SMCHD1: variants seen among roughly 807,000 people sequenced by gnomAD.
SMCHD1 encodes the protein structural maintenance of chromosomes flexible hinge domain-containing protein 1.
Under a neutral mutation model 254.7 loss-of-function variants are expected in SMCHD1, and 78 were observed. That is an observed-to-expected ratio of 0.31 (90% CI 0.26 to 0.37). SMCHD1 has a LOEUF of 0.37. SMCHD1 is among the 10% of genes least tolerant of loss of function. The pLI, the probability that SMCHD1 is intolerant of heterozygous loss-of-function variation, is 1.00. For synonymous variants in SMCHD1, 766 were observed against 794.9 expected, an observed-to-expected ratio of 0.96 and a Z score of 0.61; for missense variants, 1,840 against 2,408.1, an observed-to-expected ratio of 0.76 and a Z score of 4.94.
rs758273154 is a variant in SMCHD1, at chr18:2,771,561, G to A, written c.4995G>A (p.Glu1665=). 5.8e-6 allele frequency: 9 copies of A among 1,564,442 alleles called. No individual in the cohort carries two copies. The highest frequency in any genetic ancestry group is 1.2e-5 in the South Asian group (1 of 81,008). The change falls in exon 40 of 48, where the codon GAG becomes GAA. Residue 1665 remains glutamate, a synonymous_variant. Coordinates refer to ENST00000320876, the MANE Select transcript of SMCHD1 (RefSeq NM_015295.3). The part of the protein sequence containing the change: ...KCQVEEARLK[E]AQLRNELKIH... ...AAGTTGAAGAAGCAAGATTAAAAGA[G>A]GCCCAATTGCGAAATGAACTAAAAA...
At chr18:2,795,825 G>T in intron 45 of SMCHD1, 124 bp from the exon 46 acceptor site, 1 of 654,648 alleles carries the variant, frequency 1.5e-6, no homozygotes, top group Non-Finnish European at 2.5e-6. Flanking sequence ...AATGTTTTAT[G>T]GCTTTAAAAG....
At chr18:2,712,997 A>C (rs2074715621) in intron 17 of SMCHD1, among the ~76,000 whole-genome samples, 1 of 152,126 alleles carries the variant, frequency 6.6e-6, no homozygotes, top group Non-Finnish European at 1.5e-5. Flanking sequence ...CCAACTCTAG[A>C]CCAAATTTTG....
chr18:2,794,897 T>A (rs1343453958), intron 45 of SMCHD1, among the ~76,000 whole-genome samples: 1 of 152,242 alleles, frequency 6.6e-6, no homozygotes, highest in East Asian at 1.9e-4. Context: ...TATGGTCCTT[T>A]TCTATATACT....
At chr18:2,695,510 G>A (rs1046814862) in intron 8 of SMCHD1, among the ~76,000 whole-genome samples, 4 of 151,888 alleles carry the variant, frequency 2.6e-5, no homozygotes, top group African/African-American at 4.8e-5. Context: ...GGTTTTTGCC[G>A]TGTTGGCCAG....
At chr18:2,784,978 T>A (rs371463240) in intron 45 of SMCHD1, 8 of 365,462 alleles carry the variant, frequency 2.2e-5, no homozygotes, top group African/African-American at 8.6e-5. Context: ...TTTCTGTCAT[T>A]ATTGAATAAG....
In SMCHD1 at chr18:2,728,653, A is replaced by G. The variant is rs1334697542; in HGVS notation, c.2913+57A>G. 10 of 1,547,952 alleles carry G rather than the reference A, an allele frequency of 6.5e-6. No homozygotes were observed. In the African/African-American group the frequency reaches 1.1e-4, roughly 17 times the overall value. On this transcript the variant is annotated intron_variant, in intron 23 of 47. Transcript: ENST00000320876. ...CCCATTGTAGTAAGTGGCAATGACT[A>G]TTTTAGCCACTTAATAGTAAGTCTT...
At chr18:2,694,054 G>C (rs955992085) in intron 7 of SMCHD1, among the ~76,000 whole-genome samples, 1 of 152,148 alleles carries the variant, frequency 6.6e-6, no homozygotes, top group African/African-American at 2.4e-5. Context: ...TGGTGTCCAG[G>C]ATGATTTTAC....
At chr18:2,742,828 C>T (rs2075377195) in intron 28 of SMCHD1, among the ~76,000 whole-genome samples, 1 of 151,910 alleles carries the variant, frequency 6.6e-6, no homozygotes, top group Non-Finnish European at 1.5e-5. Flanking sequence ...AGACGCATGC[C>T]ACTACACCTG....
intron 47 of SMCHD1, among the ~76,000 whole-genome samples, chr18:2,797,947 A>G (rs2076292155): frequency 6.6e-6 from 1 of 152,192 alleles, no homozygotes. Flanking sequence ...AGGGAATGAA[A>G]AAATGATGAA....
At chr18:2,786,697 A>C (rs1193164110) in intron 45 of SMCHD1, among the ~76,000 whole-genome samples, 1 of 152,184 alleles carries the variant, frequency 6.6e-6, no homozygotes, top group Non-Finnish European at 1.5e-5. Context: ...CATATAAAAA[A>C]AAGAAAAAGA....
At chr18:2,665,625 C>T (rs1372445980) in intron 1 of SMCHD1, among the ~76,000 whole-genome samples, 1 of 152,054 alleles carries the variant, frequency 6.6e-6, no homozygotes, top group Admixed American at 6.6e-5. Flanking sequence ...GGCCAGTTTC[C>T]CTCTAATTTA....
At chr18:2,680,727 C>T (rs2073905166) in intron 5 of SMCHD1, among the ~76,000 whole-genome samples, 1 of 152,164 alleles carries the variant, frequency 6.6e-6, no homozygotes, top group African/African-American at 2.4e-5. Context: ...CCTCGCATTT[C>T]CCAGCTTTTC....
In SMCHD1 at chr18:2,796,387, T is replaced by C. The variant is rs765852134; in HGVS notation, c.5879-20T>C. ...TGTTTTTATTGTAAATTTAACTTTC[T>C]ACATTTTCCATCTTCACAGGTATGA... On this transcript the variant is annotated intron_variant, in intron 46 of 47. Transcript: ENST00000320876. The C allele has an allele frequency of 1.9e-5, 27 of 1,429,228 alleles. No individual in the cohort carries two copies. In the African/African-American group the frequency reaches 2.0e-4, roughly 11 times the overall value. The allele number at this position is 1,429,228 out of a possible 1,614,324, so 88.5% of individuals were successfully genotyped here.
intron 30 of SMCHD1, among the ~76,000 whole-genome samples, chr18:2,748,687 G>A (rs116358085): frequency 0.031 from 4,703 of 152,004 alleles, 241 homozygotes; most frequent in African/African-American, 0.11. Flanking sequence ...GAGCCACTGC[G>A]CCTGGCCATA....
chr18:2,761,536 G>T (rs918149679), intron 35 of SMCHD1, among the ~76,000 whole-genome samples: 3 of 152,200 alleles, frequency 2.0e-5, no homozygotes, highest in African/African-American at 4.8e-5. Context: ...GTTGGTATAG[G>T]CTGGGTGCAG....
chr18:2,745,186 T>G (rs2075428250), intron 29 of SMCHD1, among the ~76,000 whole-genome samples: 1 of 99,960 alleles, frequency 1.0e-5, no homozygotes, highest in Admixed American at 1.1e-4. Context: ...TGAAACAAGT[T>G]TTATTTATTT....
At chr18:2,677,355 A>G (rs780136650) in intron 5 of SMCHD1, among the ~76,000 whole-genome samples, 8 of 152,214 alleles carry the variant, frequency 5.3e-5, no homozygotes, top group East Asian at 1.9e-4. Context: ...CTAGGGTTCA[A>G]TATTTTTAAT....
chr18:2,658,971 AC>A (rs1348355205), intron 1 of SMCHD1, among the ~76,000 whole-genome samples: 1 of 151,918 alleles, frequency 6.6e-6, no homozygotes, highest in African/African-American at 2.4e-5. Context: ...TATTTTTTAC[AC>A]TACTCCACAC....
intron 7 of SMCHD1, among the ~76,000 whole-genome samples, chr18:2,689,095 G>A (rs1598318198): frequency 6.6e-6 from 1 of 152,092 alleles, no homozygotes; most frequent in South Asian, 2.1e-4. Context: ...GCTCTTACAA[G>A]TTTGCATTGA....
Sources: gnomAD v4.1 joint callset for allele counts (sites outside exome capture counted in the v4.1 genomes callset) on GRCh38, gnomAD v4.1.1 for gene constraint, MANE v1.5 for transcripts, NCBI Gene and HGNC (gene_info 2026-07-23, HGNC 2026-07-21) for gene names.